The following DOT1L variants were observed in gnomAD, a reference collection of about 807,000 sequenced individuals.
DOT1L encodes the protein histone-lysine N-methyltransferase, H3 lysine-79 specific.
DOT1L carries 33 observed loss-of-function variants against 153.3 expected under a neutral mutation model. The observed-to-expected ratio is 0.22, with a 90% CI of 0.16 to 0.29. The LOEUF is 0.29. Ranked by LOEUF, DOT1L falls within the 10% of genes least tolerant of loss-of-function variation. The pLI is 1.00. For synonymous variants in DOT1L, 1,135 were observed against 965.1 expected (o/e 1.18, Z -3.26); for missense variants, 1,847 against 2,119.9 (o/e 0.87, Z 2.53).
intron 25 of DOT1L, among the ~76,000 whole-genome samples, chr19:2,224,746 C>T (rs1221133543): frequency 2.6e-5 from 4 of 152,188 alleles, no homozygotes; most frequent in East Asian, 1.9e-4. Flanking sequence ...CCATCACAGC[C>T]GGCCCTAAGT....
At position 2,197,572 on chromosome 19, in the gene DOT1L, A is replaced by G. The variant is rs1481163817; in HGVS notation, c.652-2312A>G. 6.6e-6 allele frequency among the ~76,000 whole-genome samples: 1 copy of G among 152,270 alleles called. No homozygotes were observed. The highest frequency in any genetic ancestry group is 2.4e-5 in the African/African-American group (1 of 41,552). On this transcript the variant is annotated intron_variant, in intron 7 of 27. Transcript: ENST00000398665. This position sits in a 1 kb window ranked among gnomAD's most constrained non-coding sequence, Gnocchi z 4.1. ...ACCCTGCCTCCTGGGGCCTGGGTCC[A>G]TGACACGGCTGAGCAGCATGGTGTC...
At chr19:2,181,986 G>C (rs576572880) in intron 2 of DOT1L, among the ~76,000 whole-genome samples, 1 of 152,316 alleles carries the variant, frequency 6.6e-6, no homozygotes, top group South Asian at 2.1e-4. Context: ...GCTTTGGAAG[G>C]CCAAGGCAGG....
chr19:2,218,096 C>T (rs891838315), intron 22 of DOT1L, among the ~76,000 whole-genome samples, 178 bp downstream of exon 22: 34 of 152,234 alleles, frequency 2.2e-4, no homozygotes, highest in African/African-American at 5.8e-4. Flanking sequence ...CCGTTGTTTT[C>T]GCCAGTCTTT....
In DOT1L at chr19:2,211,741, C is replaced by T. The variant is rs1341424254; in HGVS notation, c.1466-10C>T. On this transcript the variant is annotated splice_polypyrimidine_tract_variant and intron_variant, in intron 15 of 27. Coordinates refer to ENST00000398665, the MANE Select transcript of DOT1L (RefSeq NM_032482.3). ...CTCTCTTCTCACCTGTGTTCCGCCT[C>T]TCTTCCCAGAGTCCTTCAAGATCCA... The T allele has an allele frequency of 1.9e-6, 3 of 1,556,972 alleles. No homozygotes were observed. The highest frequency in any genetic ancestry group is 1.9e-5 in the Admixed American group (1 of 51,636).
chr19:2,185,796 C>CACAAA, intron 2 of DOT1L, 59 bp from the exon 3 acceptor site: 4 of 1,578,012 alleles, frequency 2.5e-6, no homozygotes, highest in South Asian at 1.1e-5. Context: ...AAAAACAAAA[C>CACAAA]ACAAAACAAA....
chr19:2,227,903 GC>G, intron 27 of DOT1L: 1 of 1,227,840 alleles, frequency 8.1e-7, no homozygotes, highest in South Asian at 1.4e-5. Flanking sequence ...AGACCCGGCC[GC>G]CCCCTCCGCC....
At chr19:2,166,076 T>C (rs1044139107) in intron 1 of DOT1L, among the ~76,000 whole-genome samples, 2 of 150,300 alleles carry the variant, frequency 1.3e-5, no homozygotes, top group Non-Finnish European at 3.0e-5. Context: ...GGCCCACATT[T>C]ATATGTTATG....
rs1202819688 is a variant in DOT1L at position 2,211,889 on chromosome 19, T to A, written c.1557+47T>A. The A allele has an allele frequency of 2.7e-6, 4 of 1,506,832 alleles. No individual in the cohort carries two copies. In the South Asian group the frequency reaches 4.9e-5, roughly 18 times the overall value. The allele number at this position is 1,506,832 out of a possible 1,614,324, so 93.3% of individuals were successfully genotyped here. On this transcript the variant is annotated intron_variant, in intron 16 of 27. Coordinates refer to ENST00000398665, the MANE Select transcript of DOT1L (RefSeq NM_032482.3). ...ATTCCGCCTTCCCGCACAGAGGCAG[T>A]TCGTTCCTGTTCCTGGGCATCTGTC...
chr19:2,228,623 G>A, intron 27 of DOT1L: 1 of 985,346 alleles, frequency 1.0e-6, no homozygotes, highest in Non-Finnish European at 1.2e-6. Flanking sequence ...CGGTGACGCC[G>A]CAGGACTGAG....
chr19:2,226,373 C>A lies in DOT1L; in HGVS notation c.3852C>A (p.Ala1284=). The stretch of plus-strand genomic sequence containing the variant: ...GGCCCGCCCTGGAGGAGCCCTCTGC[C>A]GATGCCAAGCTGGCCGCTCACCCCA... ...TFRPALEEPS[A]DAKLAAHPRK... The change falls in exon 27 of 28, where the codon GCC becomes GCA. Residue 1284 remains alanine, a synonymous_variant. Coordinates refer to ENST00000398665, the MANE Select transcript of DOT1L (RefSeq NM_032482.3). The A allele has an allele frequency of 1.9e-6, 3 of 1,592,710 alleles. No homozygotes were observed. Among genetic ancestry groups the A allele is most frequent in the Non-Finnish European group, 1.7e-6 (2 of 1,171,666 alleles).
At chr19:2,228,545 C>G (rs1011953063) in intron 27 of DOT1L, 1 of 985,252 alleles carries the variant, frequency 1.0e-6, no homozygotes, top group African/African-American at 1.7e-5. Flanking sequence ...GGAGGGACTA[C>G]AGGACGGGCA....
intron 1 of DOT1L, among the ~76,000 whole-genome samples, chr19:2,173,421 C>T (rs180782733): frequency 2.0e-5 from 3 of 152,272 alleles, no homozygotes; most frequent in South Asian, 2.1e-4. Context: ...CGAGGTGAGC[C>T]GCGGATCACA....
chr19:2,194,641 C>T (rs2022942041), intron 7 of DOT1L, 64 bp downstream of exon 7: 2 of 1,215,864 alleles, frequency 1.6e-6, no homozygotes, highest in East Asian at 2.8e-5. Context: ...ACCCTCCTGT[C>T]AGCCCCTCCT....
intron 7 of DOT1L, among the ~76,000 whole-genome samples, chr19:2,198,250 A>G (rs1262090451): frequency 6.6e-6 from 1 of 152,192 alleles, no homozygotes; most frequent in East Asian, 1.9e-4. Context: ...TTCACGGGGA[A>G]TGAGGGATGT....
intron 10 of DOT1L, 60 bp downstream of exon 10, chr19:2,206,857 G>A (rs2023517115): frequency 6.6e-7 from 1 of 1,512,228 alleles, no homozygotes; most frequent in African/African-American, 1.4e-5. Flanking sequence ...CTGACACGCA[G>A]TATTCCTAGG....
Position 2,204,460 on chromosome 19 carries a change from A to G in DOT1L, c.787+1681A>G, listed in dbSNP as rs982498353. On this transcript the variant is annotated intron_variant, in intron 9 of 27. Coordinates refer to ENST00000398665, the MANE Select transcript of DOT1L (RefSeq NM_032482.3). This position sits in a 1 kb window ranked among gnomAD's most constrained non-coding sequence, Gnocchi z 5.7. The stretch of plus-strand genomic sequence containing the variant: ...GTCGCCCCCACACCCCAGCAGCACT[A>G]CGGGCCTCCCTGCACCCTGCAGCTG... Among the ~76,000 whole-genome samples the G allele has an allele frequency of 6.6e-6, 1 of 152,114 alleles. No homozygotes were observed. The highest frequency in any genetic ancestry group is 1.5e-5 in the Non-Finnish European group (1 of 68,026).
At chr19:2,176,445 G>GGCACTC (rs2021939663) in intron 1 of DOT1L, among the ~76,000 whole-genome samples, 1 of 152,186 alleles carries the variant, frequency 6.6e-6, no homozygotes, top group Admixed American at 6.5e-5. Context: ...GCTTCTGCGG[G>GGCACTC]GCACTCATTT....
chr19:2,168,316 A>G (rs780484629), intron 1 of DOT1L, among the ~76,000 whole-genome samples: 1 of 152,178 alleles, frequency 6.6e-6, no homozygotes, highest in Admixed American at 6.5e-5. Context: ...AAAAAATTTA[A>G]AACAGTGAAG....
intron 8 of DOT1L, among the ~76,000 whole-genome samples, chr19:2,200,995 T>G (rs34002381): frequency 0.016 from 869 of 55,316 alleles, 31 homozygotes; most frequent in African/African-American, 0.033. Flanking sequence ...CGTCGTCCCC[T>G]CATTCCTCGT....
Sources: allele counts gnomAD v4.1 joint callset (sites outside exome capture counted in the v4.1 genomes callset), GRCh38; gene constraint gnomAD v4.1.1; non-coding constraint Gnocchi (gnomAD v3.1); transcripts MANE v1.5; gene names NCBI Gene and HGNC (gene_info 2026-07-23, HGNC 2026-07-21).